APAF1: variants seen among roughly 807,000 people sequenced by gnomAD.
APAF1 encodes the protein apoptotic peptidase activating factor 1.
In APAF1, 91 loss-of-function variants were observed where a neutral mutation model predicts 152.4. The observed-to-expected ratio is 0.60, with a 90% CI of 0.50 to 0.71. The LOEUF (loss-of-function observed/expected upper bound fraction) is 0.71, where lower values mean the gene tolerates loss of function less well. APAF1 is among the 30% of genes least tolerant of loss of function. APAF1 has a pLI of 0.00. For missense variants in APAF1, 1,283 were observed against 1,472.0 expected (o/e 0.87, Z 2.10); for synonymous variants, 484 against 494.1 (o/e 0.98, Z 0.27).
At chr12:98,659,667 G>A (rs767104968) in intron 5 of APAF1, among the ~76,000 whole-genome samples, 5 of 148,322 alleles carry the variant, frequency 3.4e-5, no homozygotes, top group Non-Finnish European at 7.4e-5. Flanking sequence ...CAGGAGAATC[G>A]CTTGAACCCG....
intron 16 of APAF1, among the ~76,000 whole-genome samples, chr12:98,690,305 G>A (rs1192781074): frequency 6.6e-6 from 1 of 152,162 alleles, no homozygotes; most frequent in Non-Finnish European, 1.5e-5. Context: ...GGTGCTGGGA[G>A]CATTCTTAGG....
chr12:98,662,147 CTTTT>C (rs575642787), intron 5 of APAF1, among the ~76,000 whole-genome samples: 2 of 110,424 alleles, frequency 1.8e-5, no homozygotes, highest in Non-Finnish European at 1.9e-5. Flanking sequence ...GTAATGGTCG[CTTTT>C]TTTTTTTTTT....
chr12:98,654,767 GTTTA>G (rs1054030955), intron 4 of APAF1, among the ~76,000 whole-genome samples: 134 of 147,940 alleles, frequency 9.1e-4, no homozygotes, highest in African/African-American at 3.2e-3. Flanking sequence ...GCAACAGATA[GTTTA>G]TTTGTCTGTT....
At chr12:98,647,043 G>T (rs2097641807) in intron 1 of APAF1, among the ~76,000 whole-genome samples, 1 of 152,080 alleles carries the variant, frequency 6.6e-6, no homozygotes, top group African/African-American at 2.4e-5. Flanking sequence ...GGACTTCAAT[G>T]TAATCACTAT....
chr12:98,645,437 C>T lies in APAF1; in HGVS notation c.-440C>T, dbSNP rs1032118639. 7.2e-5 allele frequency: 11 copies of T among 152,402 alleles called. No homozygotes were observed. Among genetic ancestry groups the T allele is most frequent in the African/African-American group, 1.9e-4 (8 of 41,464 alleles). The allele number at this position is 152,402 out of a possible 1,614,324, so 9.4% of individuals were successfully genotyped here. ...CATCCGGAGTAGCGCCGGGCTCCCT[C>T]CGGGGTGCAGCCGCCGTCGGGGGAA... On this transcript the variant is annotated 5_prime_UTR_variant, in exon 1 of 27. Coordinates refer to ENST00000551964, the MANE Select transcript of APAF1 (RefSeq NM_181861.2).
At chr12:98,712,264 C>A in intron 20 of APAF1, 55 bp from the exon 21 acceptor site, 1 of 972,322 alleles carries the variant, frequency 1.0e-6, no homozygotes, top group Non-Finnish European at 1.7e-6. Flanking sequence ...TCTGTTCTGA[C>A]GAACAAAAAC....
chr12:98,734,417 A>C lies in APAF1; in HGVS notation c.*1851A>C, dbSNP rs916506266. 3 of 152,256 alleles carry C rather than the reference A, an allele frequency of 2.0e-5. No homozygotes were observed. Among genetic ancestry groups the C allele is most frequent in the African/African-American group, 7.2e-5 (3 of 41,464 alleles). The allele number at this position is 152,256 out of a possible 1,614,324, so 9.4% of individuals were successfully genotyped here. On this transcript the variant is annotated 3_prime_UTR_variant, in exon 27 of 27. Transcript: ENST00000551964. Reference sequence around the variant, plus strand: ...TTAAGGGCAATGGAGATAAATTAATAGTAGATGTGGTTCCCAGAAAATATA... The same window carrying C: ...TTAAGGGCAATGGAGATAAATTAATCGTAGATGTGGTTCCCAGAAAATATA...
chr12:98,699,415 A>G lies in APAF1; in HGVS notation c.2312A>G (p.Asp771Gly). The change falls in exon 17 of 27, where the codon GAT becomes GGT. Residue 771 changes from aspartate to glycine, a missense_variant. Physicochemically the swap from Asp to Gly is moderately conservative, Grantham distance 94 (BLOSUM62 -1). Transcript: ENST00000551964. ...TATTACTTTAATTCAAAGCTTTGGGATGCGACATCAGCAAATGAGAGGAAA... is the reference window on the plus strand; with the variant it reads ...TATTACTTTAATTCAAAGCTTTGGGGTGCGACATCAGCAAATGAGAGGAAA... ...CSADGTLKLW[D>G]ATSANERKSI... 6.2e-7 allele frequency: 1 copy of G among 1,614,050 alleles called. No individual in the cohort carries two copies. The highest frequency in any genetic ancestry group is 1.1e-5 in the South Asian group (1 of 91,066).
Position 98,712,064 on chromosome 12 carries a change from A to C in APAF1, c.2842-255A>C, listed in dbSNP as rs575433966. 4.6e-5 allele frequency among the ~76,000 whole-genome samples: 7 copies of C among 152,362 alleles called. No homozygotes were observed. The East Asian group carries it at 1.3e-3, about 29-fold the overall frequency. ...TAGATGTGTCTCAGGTGGCGGGCGC[A>C]GCAGCTGCTTTTTAAACCTTGTAAT... On this transcript the variant is annotated intron_variant, in intron 20 of 26. Coordinates refer to ENST00000551964, the MANE Select transcript of APAF1 (RefSeq NM_181861.2).
chr12:98,715,241 T>TGC (rs1358591255), intron 21 of APAF1, among the ~76,000 whole-genome samples, 186 bp from the exon 22 acceptor site: 29 of 36,044 alleles, frequency 8.0e-4, no homozygotes, highest in African/African-American at 5.0e-4. Context: ...TGTGCATATA[T>TGC]ATATATATAT....
Position 98,666,356 on chromosome 12 carries a change from A to C in APAF1, c.1361A>C (p.Gln454Pro). The C allele has an allele frequency of 1.2e-6, 2 of 1,610,874 alleles. No individual in the cohort carries two copies. The highest frequency in any genetic ancestry group is 1.7e-6 in the Non-Finnish European group (2 of 1,179,172). Reference protein sequence around the residue: ...FLTEKNCSQLQDLHKKIITQF... With the variant: ...FLTEKNCSQLPDLHKKIITQF... The stretch of plus-strand genomic sequence containing the variant: ...ACAGAGAAGAATTGCAGCCAGCTTC[A>C]GGTACTTGCATCTTGGTTTACTTTT... Residue 454 changes from glutamine to proline, a missense_variant and splice_region_variant, in exon 9 of 27, where the codon CAG (glutamine) becomes CCG (proline). Coordinates refer to ENST00000551964, the MANE Select transcript of APAF1 (RefSeq NM_181861.2).
intron 15 of APAF1, among the ~76,000 whole-genome samples, chr12:98,686,425 T>C (rs1385601710): frequency 6.6e-6 from 1 of 152,244 alleles, no homozygotes; most frequent in Admixed American, 6.5e-5. Context: ...TGTGGCTTTT[T>C]GTAACTGAGT....
chr12:98,655,530 C>T (rs371666925), intron 4 of APAF1, among the ~76,000 whole-genome samples: 1 of 152,212 alleles, frequency 6.6e-6, no homozygotes, highest in Non-Finnish European at 1.5e-5. Flanking sequence ...CCAGTAGGGG[C>T]GGCCGTAGTA....
intron 9 of APAF1, 42 bp from the exon 10 acceptor site, chr12:98,667,471 T>C (rs1270304370): frequency 6.2e-7 from 1 of 1,607,850 alleles, no homozygotes; most frequent in Middle Eastern, 1.7e-4. Context: ...GCTTAGGTTA[T>C]AAAATTGTTT....
chr12:98,649,372 T>C, intron 3 of APAF1, 115 bp from the exon 4 acceptor site: 1 of 1,383,088 alleles, frequency 7.2e-7, no homozygotes, highest in South Asian at 1.3e-5. Context: ...TTTTCTTAAC[T>C]TCTCTTGGAA....
intron 16 of APAF1, among the ~76,000 whole-genome samples, chr12:98,689,462 G>GTGTGTGTC (rs1395640708): frequency 2.1e-5 from 3 of 144,954 alleles, no homozygotes; most frequent in African/African-American, 7.8e-5. Context: ...GAGAGAGAGA[G>GTGTGTGTC]AGTGTGTGTG....
intron 17 of APAF1, among the ~76,000 whole-genome samples, chr12:98,702,822 CAA>C (rs1001907263): frequency 3.0e-5 from 4 of 132,322 alleles, no homozygotes; most frequent in African/African-American, 5.9e-5. Context: ...GCCTGGGCAA[CAA>C]GAGCAGAAGT....
At chr12:98,647,695 T>C (rs2097643258) in intron 1 of APAF1, among the ~76,000 whole-genome samples, 1 of 148,320 alleles carries the variant, frequency 6.7e-6, no homozygotes, top group Admixed American at 6.8e-5. Flanking sequence ...GTATGTGGGA[T>C]CATGTTTCTG....
intron 18 of APAF1, among the ~76,000 whole-genome samples, chr12:98,705,124 C>T (rs1183305830): frequency 8.7e-6 from 1 of 114,622 alleles, no homozygotes; most frequent in Non-Finnish European, 1.9e-5. Flanking sequence ...AAATGTGGAG[C>T]GTTTGTTAGG....
Sources: gnomAD v4.1 joint callset for allele counts (sites outside exome capture counted in the v4.1 genomes callset) on GRCh38, gnomAD v4.1.1 for gene constraint, MANE v1.5 for transcripts, NCBI Gene and HGNC (gene_info 2026-07-23, HGNC 2026-07-21) for gene names.